DDX10: variants seen among roughly 807,000 people sequenced by gnomAD.
DDX10 encodes the protein probable ATP-dependent RNA helicase DDX10.
A neutral mutation model predicts 104.3 loss-of-function variants in DDX10; 74 were observed. The observed-to-expected ratio is 0.71, with a 90% CI of 0.59 to 0.86. The LOEUF is 0.86. DDX10 is among the 40% of genes least tolerant of loss of function. The pLI, the probability that DDX10 is intolerant of heterozygous loss-of-function variation, is 0.00. For missense variants in DDX10, 952 were observed against 1,040.0 expected, an observed-to-expected ratio of 0.92 and a Z score of 1.16; for synonymous variants, 351 against 353.4, an observed-to-expected ratio of 0.99 and a Z score of 0.08.
intron 13 of DDX10, among the ~76,000 whole-genome samples, chr11:108,784,577 A>G (rs1479336944): frequency 6.6e-6 from 1 of 152,130 alleles, no homozygotes; most frequent in African/African-American, 2.4e-5. Context: ...TTCCTTGCAG[A>G]TTCTGGATAT....
chr11:108,781,393 T>C (rs2094377921), intron 13 of DDX10, among the ~76,000 whole-genome samples: 1 of 152,184 alleles, frequency 6.6e-6, no homozygotes, highest in South Asian at 2.1e-4. Flanking sequence ...CTTTTTGGTA[T>C]AATGATCTAT....
chr11:108,794,658 G>A (rs1319464883), intron 13 of DDX10, among the ~76,000 whole-genome samples: 1 of 151,930 alleles, frequency 6.6e-6, no homozygotes. Context: ...TGTTAACGTG[G>A]TTAATGGTGT....
At chr11:108,886,789 C>T (rs1280846186) in intron 16 of DDX10, among the ~76,000 whole-genome samples, 1 of 152,136 alleles carries the variant, frequency 6.6e-6, no homozygotes, top group East Asian at 1.9e-4. Flanking sequence ...TCGTTGTTTT[C>T]CAGCAAACAT....
chr11:108,715,781 AT>A, intron 10 of DDX10, 97 bp from the exon 11 acceptor site: 1 of 663,814 alleles, frequency 1.5e-6, no homozygotes, highest in Non-Finnish European at 2.7e-6. Flanking sequence ...ATAGTTATAC[AT>A]TTAAAAATAC....
At chr11:108,711,411 C>G (rs1308252940) in intron 10 of DDX10, among the ~76,000 whole-genome samples, 1 of 152,218 alleles carries the variant, frequency 6.6e-6, no homozygotes, top group Non-Finnish European at 1.5e-5. Flanking sequence ...CGGCTCACTA[C>G]AACCTCCACC....
At chr11:108,785,635 G>A (rs534396470) in intron 13 of DDX10, among the ~76,000 whole-genome samples, 4 of 152,028 alleles carry the variant, frequency 2.6e-5, no homozygotes, top group Non-Finnish European at 4.4e-5. Flanking sequence ...CTTGAAAGTT[G>A]TACTTTCTTC....
intron 13 of DDX10, among the ~76,000 whole-genome samples, chr11:108,749,738 G>A (rs532707679): frequency 7.2e-5 from 11 of 152,260 alleles, no homozygotes; most frequent in African/African-American, 2.6e-4. Context: ...TTTAAAGCGT[G>A]CAGAATTTTA....
intron 9 of DDX10, among the ~76,000 whole-genome samples, chr11:108,705,058 A>G (rs1169828222): frequency 6.6e-6 from 1 of 152,190 alleles, no homozygotes; most frequent in Non-Finnish European, 1.5e-5. Flanking sequence ...TTCTACTTAC[A>G]TATTGGTGGT....
At position 108,804,498 on chromosome 11, in the gene DDX10, C is replaced by CAAAA. The variant is rs3063225; in HGVS notation, c.1966-33931_1966-33928dup. ...TGGGTGACAGAGTGAGACCCTGTCT[C>CAAAA]AAAAAAAAAAAAAAAAAAAACCCTC... On this transcript the variant is annotated intron_variant, in intron 13 of 17. Transcript: ENST00000322536. 5.1e-4 allele frequency among the ~76,000 whole-genome samples: 47 copies of CAAAA among 93,026 alleles called. 1 individual carries two copies. Among genetic ancestry groups the CAAAA allele is most frequent in the Non-Finnish European group, 7.0e-4 (35 of 49,884 alleles). 61.0% of individuals were successfully genotyped at this position (93,026 alleles called of 152,430 possible). A position where few individuals can be genotyped will look rare whatever the true frequency, so the allele number is the denominator to read the frequency against.
In DDX10 at chr11:108,680,224, CTT is replaced by C. The variant is rs1373123758; in HGVS notation, c.848+670_848+671del. Among the ~76,000 whole-genome samples, 19 of 152,198 alleles carry C rather than the reference CTT, an allele frequency of 1.2e-4. No individual in the cohort carries two copies. In the South Asian group the frequency reaches 3.9e-3, roughly 32 times the overall value. ...TAGTTGGGGAAATTTTTATTTATCT[CTT>C]TTTTTCGAGACAGGGTCTTGCTCTG... On this transcript the variant is annotated intron_variant, in intron 6 of 17. Transcript: ENST00000322536.
At chr11:108,781,994 A>G (rs1291161154) in intron 13 of DDX10, among the ~76,000 whole-genome samples, 3 of 152,310 alleles carry the variant, frequency 2.0e-5, no homozygotes, top group African/African-American at 7.2e-5. Context: ...ACCTCCACAG[A>G]AGTAAATTTT....
intron 15 of DDX10, among the ~76,000 whole-genome samples, chr11:108,848,056 G>A (rs1862742085): frequency 6.6e-6 from 1 of 152,154 alleles, no homozygotes; most frequent in Non-Finnish European, 1.5e-5. Flanking sequence ...AAACGTGGAG[G>A]ATGATCACAA....
intron 13 of DDX10, among the ~76,000 whole-genome samples, chr11:108,796,844 G>A (rs1465480509): frequency 6.6e-6 from 1 of 152,076 alleles, no homozygotes; most frequent in African/African-American, 2.4e-5. Flanking sequence ...TGTGTGAGTG[G>A]GTTTCCTAAA....
chr11:108,821,660 A>G lies in DDX10; in HGVS notation c.1966-16786A>G, dbSNP rs541145988. ...CTGTCAGTTGCTCTACTTTTGAAAG[A>G]GAAGAAATTAGAGGTCAAATTTAGT... On this transcript the variant is annotated intron_variant, in intron 13 of 17. Coordinates refer to ENST00000322536, the MANE Select transcript of DDX10 (RefSeq NM_004398.4). Among the ~76,000 whole-genome samples, 12 of 152,334 alleles carry G rather than the reference A, an allele frequency of 7.9e-5. No individual in the cohort carries two copies. In the South Asian group the frequency reaches 2.5e-3, roughly 32 times the overall value.
chr11:108,774,095 G>A (rs112262285), intron 13 of DDX10, among the ~76,000 whole-genome samples: 9 of 152,362 alleles, frequency 5.9e-5, no homozygotes, highest in African/African-American at 1.9e-4. Context: ...TGTGTAAGCA[G>A]TGGACAACCA....
chr11:108,901,833 T>TA (rs758181804), intron 16 of DDX10, among the ~76,000 whole-genome samples: 18 of 152,080 alleles, frequency 1.2e-4, no homozygotes, highest in South Asian at 2.1e-4. Context: ...TCTAGGGTAT[T>TA]AAAAAAAGTC....
At chr11:108,724,150 A>T (rs1397365792) in intron 13 of DDX10, among the ~76,000 whole-genome samples, 1 of 152,052 alleles carries the variant, frequency 6.6e-6, no homozygotes, top group Non-Finnish European at 1.5e-5. Context: ...TTTAAAAGGG[A>T]ATTGAATAAA....
chr11:108,813,411 T>G (rs565900026), intron 13 of DDX10, among the ~76,000 whole-genome samples: 1 of 152,322 alleles, frequency 6.6e-6, no homozygotes. Context: ...ACTGTCCAAT[T>G]GGGCTGATGA....
At position 108,706,863 on chromosome 11, in the gene DDX10, T is replaced by A; in HGVS notation, c.1322+26T>A. The A allele has an allele frequency of 2.5e-6, 4 of 1,587,484 alleles. 1 individual carries two copies. Among genetic ancestry groups the A allele is most frequent in the Non-Finnish European group, 3.5e-6 (4 of 1,156,556 alleles). On this transcript the variant is annotated intron_variant, in intron 10 of 17. Coordinates refer to ENST00000322536, the MANE Select transcript of DDX10 (RefSeq NM_004398.4). Reference sequence around the variant, plus strand: ...GTAAGAGCTACTTGTTGTCTTTATGTTTTTAGGAAAATGAGGGCATGAAAT... The same window carrying A: ...GTAAGAGCTACTTGTTGTCTTTATGATTTTAGGAAAATGAGGGCATGAAAT...
Sources: gnomAD v4.1 joint callset for allele counts (sites outside exome capture counted in the v4.1 genomes callset) on GRCh38, gnomAD v4.1.1 for gene constraint, MANE v1.5 for transcripts, NCBI Gene and HGNC (gene_info 2026-07-23, HGNC 2026-07-21) for gene names.